The following DIP2A variants were observed in gnomAD, a reference collection of about 807,000 sequenced individuals.
DIP2A encodes the protein DIP2 acetate--CoA ligase A, also known as disco-interacting protein 2 homolog A.
A neutral mutation model predicts 177.4 loss-of-function variants in DIP2A; 85 were observed. That is an observed-to-expected ratio of 0.48 (90% confidence interval 0.40 to 0.57). The LOEUF is 0.57. Among genes scored for constraint, DIP2A ranks in the 20% least tolerant of loss-of-function variants. DIP2A has a pLI of 0.00. For synonymous variants in DIP2A, 886 were observed against 881.8 expected (o/e 1.00, Z -0.08); for missense variants, 1,791 against 2,100.2 (o/e 0.85, Z 2.88).
Position 46,546,979 on chromosome 21 carries a change from A to G in DIP2A, c.2459A>G (p.Asn820Ser), listed in dbSNP as rs546258521. 5.0e-6 allele frequency: 8 copies of G among 1,613,954 alleles called. No individual in the cohort carries two copies. In the Admixed American group the frequency reaches 6.7e-5, roughly 13 times the overall value. The change falls in exon 21 of 38, where the codon AAT (asparagine) becomes AGT (serine). Residue 820 changes from asparagine (N) to serine (S), a missense_variant. Coordinates refer to ENST00000417564, the MANE Select transcript of DIP2A (RefSeq NM_015151.4). The stretch of plus-strand genomic sequence containing the variant: ...ATGGTCACTGGAGTTCGCAGACACA[A>G]TGCAGATGACGTTGTGGCCACCGCA... The part of the protein sequence containing the change: ...GLMVTGVRRH[N>S]ADDVVATALA...
intron 20 of DIP2A, 66 bp from the exon 21 acceptor site, chr21:46,546,849 C>T (rs1264306091): frequency 6.3e-5 from 100 of 1,582,728 alleles, no homozygotes; most frequent in Non-Finnish European, 6.9e-6. Context: ...GGGGCCTGAC[C>T]ATGGTCCTGG....
chr21:46,522,536 G>A (rs1367758911), intron 8 of DIP2A, among the ~76,000 whole-genome samples: 1 of 152,214 alleles, frequency 6.6e-6, no homozygotes, highest in Non-Finnish European at 1.5e-5. Context: ...TTATCTCTCA[G>A]TGGGGCTTGG....
intron 8 of DIP2A, among the ~76,000 whole-genome samples, chr21:46,527,383 T>C (rs1321636835): frequency 1.5e-5 from 2 of 130,186 alleles, no homozygotes; most frequent in Non-Finnish European, 3.1e-5. Flanking sequence ...TAGAGGACAG[T>C]GGCACAGTCT....
intron 2 of DIP2A, among the ~76,000 whole-genome samples, chr21:46,486,196 C>T (rs1039469377): frequency 4.6e-5 from 7 of 151,980 alleles, no homozygotes; most frequent in Non-Finnish European, 1.0e-4. Flanking sequence ...ATATGAAACA[C>T]CAGCCATGTA....
In DIP2A at chr21:46,490,706, G is replaced by A. The variant is rs1470106721; in HGVS notation, c.270G>A (p.Glu90=). The A allele has an allele frequency of 6.3e-7, 1 of 1,580,762 alleles. No homozygotes were observed. Among genetic ancestry groups the A allele is most frequent in the Non-Finnish European group, 8.6e-7 (1 of 1,163,496 alleles). ...CTCGGCCCACCGCCTCGAGGGATGA[G>A]CGCTTCCGGTCAGGTAGGGTCACAG... ...QKSRPTASRD[E]RFRSDVHTEA... The change falls in exon 3 of 38, where the codon GAG becomes GAA. Residue 90 remains glutamate (E), a synonymous_variant. Coordinates refer to ENST00000417564, the MANE Select transcript of DIP2A (RefSeq NM_015151.4).
chr21:46,496,593 C>T (rs2057374088), intron 3 of DIP2A, among the ~76,000 whole-genome samples: 2 of 152,168 alleles, frequency 1.3e-5, no homozygotes, highest in South Asian at 2.1e-4. Context: ...AAAAAAATCT[C>T]ATAATGTTTT....
intron 33 of DIP2A, 189 bp downstream of exon 33, chr21:46,560,972 G>A: frequency 6.1e-6 from 6 of 985,458 alleles, no homozygotes; most frequent in Non-Finnish European, 7.2e-6. Context: ...GCACCAAGAG[G>A]AAGAGGAGAG....
intron 1 of DIP2A, among the ~76,000 whole-genome samples, chr21:46,469,931 C>T (rs1355167841): frequency 6.6e-6 from 1 of 151,978 alleles, no homozygotes; most frequent in Admixed American, 6.6e-5. Flanking sequence ...ATACCTGTTC[C>T]ATCTTTTGAA....
At chr21:46,492,647 C>G (rs1234790424) in intron 3 of DIP2A, among the ~76,000 whole-genome samples, 1 of 152,080 alleles carries the variant, frequency 6.6e-6, no homozygotes, top group Non-Finnish European at 1.5e-5. Context: ...GGGGCCCTCA[C>G]GGTGGGATCG....
In DIP2A at chr21:46,557,436, T is replaced by G; in HGVS notation, c.3630-149T>G. On this transcript the variant is annotated intron_variant, in intron 30 of 37. Coordinates refer to ENST00000417564, the MANE Select transcript of DIP2A (RefSeq NM_015151.4). The surrounding 1 kb of genome is among the most constrained non-coding windows in gnomAD (Gnocchi z 6.0). ...ATCCCCCAACCTTCACCCTGTGGCATGTTTTCCACCAAACCCCCCCACTTG... is the reference window on the plus strand; with the variant it reads ...ATCCCCCAACCTTCACCCTGTGGCAGGTTTTCCACCAAACCCCCCCACTTG... The G allele has an allele frequency of 1.0e-6, 1 of 1,000,402 alleles. No homozygotes were observed. Among genetic ancestry groups the G allele is most frequent in the Non-Finnish European group, 1.4e-6 (1 of 699,542 alleles). The allele number at this position is 1,000,402 out of a possible 1,614,324, so 62.0% of individuals were successfully genotyped here.
intron 7 of DIP2A, among the ~76,000 whole-genome samples, chr21:46,509,721 T>TGAAAATTAATTTG (rs2058210803): frequency 6.6e-6 from 1 of 152,360 alleles, no homozygotes; most frequent in Admixed American, 6.5e-5. Flanking sequence ...TAGATTTGGC[T>TGAAAATTAATTTG]GCTTTTCAGA....
intron 1 of DIP2A, among the ~76,000 whole-genome samples, chr21:46,483,900 C>T (rs564473884): frequency 6.6e-6 from 1 of 152,348 alleles, no homozygotes; most frequent in East Asian, 1.9e-4. Context: ...CTTCACATCA[C>T]ACATCCCCTG....
At chr21:46,490,786 G>A in intron 3 of DIP2A, 67 bp downstream of exon 3, 2 of 1,468,844 alleles carry the variant, frequency 1.4e-6, no homozygotes, top group East Asian at 2.6e-5. Flanking sequence ...TTGCCATGAA[G>A]TCTTCCAGTT....
intron 1 of DIP2A, among the ~76,000 whole-genome samples, chr21:46,477,570 T>TGTGTGTGTGTGTGTGTGTGTGTGTGTG (rs1180881454): frequency 4.7e-5 from 6 of 128,028 alleles, no homozygotes; most frequent in African/African-American, 5.7e-5. Context: ...TGTGTGTGTA[T>TGTGTGTGTGTGTGTGTGTGTGTGTGTG]TTCTTTTTTT....
chr21:46,492,131 C>T (rs2057048299), intron 3 of DIP2A, among the ~76,000 whole-genome samples: 1 of 151,964 alleles, frequency 6.6e-6, no homozygotes, highest in Non-Finnish European at 1.5e-5. Context: ...CATTTTAGTG[C>T]CCTTAAGTTT....
At chr21:46,548,335 T>G (rs536310807) in intron 21 of DIP2A, among the ~76,000 whole-genome samples, 2 of 152,176 alleles carry the variant, frequency 1.3e-5, no homozygotes, top group East Asian at 3.9e-4. Context: ...AAACCCTGCT[T>G]TGAGGTGGAG....
rs772688858 is a variant in DIP2A, at chr21:46,545,927, T to G, written c.2360T>G (p.Phe787Cys). Residue 787 changes from phenylalanine to cysteine, a missense_variant, in exon 20 of 38, where the codon TTC becomes TGC. Transcript: ENST00000417564. ...GGAGCACCCATCTTTGACAGGCCAT[T>G]CACCAGGACAGGCCTGCTGGGCTTC... ...TGGAPIFDRP[F>C]TRTGLLGFIG... The G allele has an allele frequency of 6.2e-7, 1 of 1,613,974 alleles. No individual in the cohort carries two copies. The highest frequency in any genetic ancestry group is 8.5e-7 in the Non-Finnish European group (1 of 1,179,886).
rs769779023 is a variant in DIP2A, at chr21:46,557,628, C to T, written c.3673C>T (p.Leu1225=). Residue 1225 remains leucine (L), a synonymous_variant, in exon 31 of 38, where the codon CTG becomes TTG. Coordinates refer to ENST00000417564, the MANE Select transcript of DIP2A (RefSeq NM_015151.4). This position sits in a 1 kb window ranked among gnomAD's most constrained non-coding sequence, Gnocchi z 6.0. ...HQSVLVPPLE[L]ESNVSLWLSA... ...ATCAGTGCTGGTGCCCCCGCTGGAG[C>T]TGGAGAGCAACGTGTCCCTGTGGCT... 1 of 1,613,458 alleles carries T rather than the reference C, an allele frequency of 6.2e-7. No homozygotes were observed. Among genetic ancestry groups the T allele is most frequent in the South Asian group, 1.1e-5 (1 of 91,054 alleles).
At chr21:46,474,508 G>C (rs1390827045) in intron 1 of DIP2A, among the ~76,000 whole-genome samples, 1 of 152,208 alleles carries the variant, frequency 6.6e-6, no homozygotes, top group African/African-American at 2.4e-5. Flanking sequence ...AACATGTGTG[G>C]GCATCTGTGC....
Sources: allele counts gnomAD v4.1 joint callset (sites outside exome capture counted in the v4.1 genomes callset), GRCh38; gene constraint gnomAD v4.1.1; non-coding constraint Gnocchi (gnomAD v3.1); transcripts MANE v1.5; gene names NCBI Gene and HGNC (gene_info 2026-07-23, HGNC 2026-07-21).